Variants in ADGRG6 observed in about 807,000 individuals in gnomAD.
The protein encoded by ADGRG6 is G-protein coupled receptor 126.
Under a neutral mutation model 142.4 loss-of-function variants are expected in ADGRG6, and 84 were observed. That is an observed-to-expected ratio of 0.59 (90% confidence interval 0.49 to 0.71). The LOEUF is 0.71. Ranked by LOEUF, ADGRG6 falls within the 30% of genes least tolerant of loss-of-function variation. ADGRG6 has a pLI of 0.00. For synonymous variants in ADGRG6, 521 were observed against 520.5 expected (o/e 1.00, Z -0.01); for missense variants, 1,367 against 1,466.6 (o/e 0.93, Z 1.11).
intron 4 of ADGRG6, among the ~76,000 whole-genome samples, chr6:142,378,221 T>G (rs1480129707): frequency 6.6e-6 from 1 of 152,218 alleles, no homozygotes; most frequent in Admixed American, 6.5e-5. Context: ...TTTAACATAC[T>G]GGGAATGTAG....
At chr6:142,437,561 C>A in intron 23 of ADGRG6, 26 bp downstream of exon 23, 1 of 1,030,758 alleles carries the variant, frequency 9.7e-7, no homozygotes, top group Non-Finnish European at 1.5e-6. Context: ...TTAAATTTTA[C>A]ATCTACAAGT....
chr6:142,359,400 T>G (rs1780610983), intron 2 of ADGRG6, among the ~76,000 whole-genome samples: 1 of 152,078 alleles, frequency 6.6e-6, no homozygotes, highest in African/African-American at 2.4e-5. Flanking sequence ...TTACACACGA[T>G]GCTCCAGCTG....
rs746146861 is a variant in ADGRG6, at chr6:142,420,006, C to A, written c.3221C>A (p.Thr1074Asn). The change falls in exon 22 of 25, where the codon ACC becomes AAC. Residue 1074 changes from threonine to asparagine, a missense_variant. Transcript: ENST00000367609. ...LRNLRSVVSL[T>N]FLLGMTWGFA... Reference sequence around the variant, plus strand: ...AACCTGCGCAGTGTGGTTAGCTTGACCTTTCTGTTGGGCATGACATGGGGT... The same window carrying A: ...AACCTGCGCAGTGTGGTTAGCTTGAACTTTCTGTTGGGCATGACATGGGGT... The A allele has an allele frequency of 9.3e-6, 15 of 1,613,532 alleles. No homozygotes were observed. In the East Asian group the frequency reaches 3.3e-4, roughly 36 times the overall value.
At chr6:142,334,163 A>G (rs1779199989) in intron 2 of ADGRG6, among the ~76,000 whole-genome samples, 1 of 152,228 alleles carries the variant, frequency 6.6e-6, no homozygotes, top group South Asian at 2.1e-4. Flanking sequence ...AAATATGATC[A>G]TTAATGGAAA....
intron 22 of ADGRG6, among the ~76,000 whole-genome samples, chr6:142,427,710 C>T (rs1777017008): frequency 6.6e-6 from 1 of 152,142 alleles, no homozygotes; most frequent in Admixed American, 6.5e-5. Context: ...GGTTTAATTG[C>T]ACTTACAGTT....
At chr6:142,316,808 T>C (rs893442387) in intron 2 of ADGRG6, among the ~76,000 whole-genome samples, 1 of 152,090 alleles carries the variant, frequency 6.6e-6, no homozygotes, top group African/African-American at 2.4e-5. Context: ...GTGTTTTTTT[T>C]TAATTTTAGA....
intron 14 of ADGRG6, 96 bp from the exon 15 acceptor site, chr6:142,405,585 ATTTGAAC>A (rs769125755): frequency 1.1e-6 from 1 of 916,600 alleles, no homozygotes; most frequent in Non-Finnish European, 1.7e-6. Context: ...GTACTGGCTA[ATTTGAAC>A]TTGCAATTGT....
At chr6:142,338,924 A>G (rs1347346798) in intron 2 of ADGRG6, among the ~76,000 whole-genome samples, 1 of 152,182 alleles carries the variant, frequency 6.6e-6, no homozygotes, top group Non-Finnish European at 1.5e-5. Context: ...TCATTATTCC[A>G]AAAAATTATC....
intron 11 of ADGRG6, 162 bp downstream of exon 11, chr6:142,400,758 T>C (rs1195390301): frequency 2.7e-5 from 15 of 551,358 alleles, no homozygotes; most frequent in Non-Finnish European, 4.9e-5. Flanking sequence ...AAAGATAACA[T>C]AAGTGGATGA....
chr6:142,345,453 T>G (rs1779854839), intron 2 of ADGRG6, among the ~76,000 whole-genome samples: 1 of 152,204 alleles, frequency 6.6e-6, no homozygotes, highest in East Asian at 1.9e-4. Flanking sequence ...TTAGTTTTTT[T>G]GTTTAGAAGT....
chr6:142,359,506 C>G (rs1430860675), intron 2 of ADGRG6, among the ~76,000 whole-genome samples: 1 of 152,154 alleles, frequency 6.6e-6, no homozygotes. Context: ...CTGCCTTCCT[C>G]CTTTACTTGG....
At position 142,415,095 on chromosome 6, in the gene ADGRG6, G is replaced by A. The variant is rs1776290510; in HGVS notation, c.2668G>A (p.Glu890Lys). Residue 890 changes from glutamate to lysine, a missense_variant and splice_region_variant, in exon 19 of 25, where the codon GAG becomes AAG. By Grantham distance (56) the Glu-to-Lys change is moderately conservative. Around this residue, in one of 3 missense-constraint regions of ADGRG6, gnomAD observed 286 missense variants for 371.4 expected, o/e 0.77. Coordinates refer to ENST00000367609, the MANE Select transcript of ADGRG6 (RefSeq NM_198569.3). The stretch of plus-strand genomic sequence containing the variant: ...AACTCTCCTGACATATGTTGCTTTT[G>A]AGTAAGTATATTTTTAATCTGCCAA... Reference protein sequence around the residue: ...AATLLTYVAFEKLRRDYPSKI... With the variant: ...AATLLTYVAFKKLRRDYPSKI... The A allele has an allele frequency of 2.5e-6, 4 of 1,608,298 alleles. No homozygotes were observed. The South Asian group carries it at 4.4e-5, about 18-fold the overall frequency.
intron 2 of ADGRG6, among the ~76,000 whole-genome samples, chr6:142,361,920 C>T (rs1209738094): frequency 6.6e-6 from 1 of 151,696 alleles, no homozygotes; most frequent in Non-Finnish European, 1.5e-5. Context: ...GCTTGTGTGT[C>T]TAAGCCTCTT....
intron 2 of ADGRG6, among the ~76,000 whole-genome samples, chr6:142,314,954 C>T (rs1777956980): frequency 1.4e-5 from 2 of 145,844 alleles, no homozygotes; most frequent in Admixed American, 1.4e-4. Flanking sequence ...CCTCCTTAGC[C>T]TACAGTCCAA....
intron 22 of ADGRG6, among the ~76,000 whole-genome samples, chr6:142,422,735 G>A (rs1360428807): frequency 1.6e-4 from 24 of 147,572 alleles, no homozygotes; most frequent in African/African-American, 5.0e-4. Context: ...CTGAGGAATC[G>A]CCACACTGAC....
chr6:142,332,987 A>G (rs1265246919), intron 2 of ADGRG6, among the ~76,000 whole-genome samples: 1 of 152,214 alleles, frequency 6.6e-6, no homozygotes, highest in Non-Finnish European at 1.5e-5. Context: ...ATAGCTTGGC[A>G]GTTACTGACT....
chr6:142,334,051 C>T (rs966921858), intron 2 of ADGRG6, among the ~76,000 whole-genome samples: 2 of 152,142 alleles, frequency 1.3e-5, no homozygotes, highest in Admixed American at 6.6e-5. Context: ...GGAAGAAAGT[C>T]GGTTTTCCAA....
chr6:142,315,530 C>A (rs1041837880), intron 2 of ADGRG6, among the ~76,000 whole-genome samples: 5 of 151,982 alleles, frequency 3.3e-5, no homozygotes, highest in Non-Finnish European at 7.4e-5. Flanking sequence ...CATAAACATC[C>A]TTTCCCCTCC....
At chr6:142,425,330 T>G (rs1332989985) in intron 22 of ADGRG6, among the ~76,000 whole-genome samples, 1 of 152,070 alleles carries the variant, frequency 6.6e-6, no homozygotes, top group Non-Finnish European at 1.5e-5. Context: ...TAGACTGTGG[T>G]GGGGATGAGA....
Sources: allele counts gnomAD v4.1 joint callset (sites outside exome capture counted in the v4.1 genomes callset), GRCh38; gene constraint gnomAD v4.1.1; regional missense constraint gnomAD v4.1.1; transcripts MANE v1.5; gene names NCBI Gene and HGNC (gene_info 2026-07-23, HGNC 2026-07-21).